The following LDLRAD3 variants were observed in gnomAD, a reference collection of about 807,000 sequenced individuals.
LDLRAD3 encodes low-density lipoprotein receptor class A domain-containing protein 3.
LDLRAD3 carries 20 observed loss-of-function variants against 29.4 expected under a neutral mutation model. The ratio of observed to expected loss-of-function variants is 0.68; its 90% CI spans 0.48 to 0.99. The LOEUF (loss-of-function observed/expected upper bound fraction) is 0.99, where lower values mean the gene tolerates loss of function less well. LDLRAD3 is among the 50% of genes least tolerant of loss of function. LDLRAD3 has a pLI of 0.00. For missense variants in LDLRAD3, 420 were observed against 454.3 expected, an observed-to-expected ratio of 0.92 and a Z score of 0.69; for synonymous variants, 157 against 192.7, an observed-to-expected ratio of 0.81 and a Z score of 1.53.
At chr11:36,145,372 G>C in intron 4 of LDLRAD3, among the ~76,000 whole-genome samples, 1 of 101,124 alleles carries the variant, frequency 9.9e-6, no homozygotes, top group African/African-American at 4.7e-5. Flanking sequence ...GCCCCGTCTG[G>C]GAGGGAGGTG....
intron 3 of LDLRAD3, 24 bp downstream of exon 3, chr11:36,081,802 T>G (rs767934846): frequency 1.2e-6 from 2 of 1,612,942 alleles, no homozygotes; most frequent in South Asian, 2.2e-5. Flanking sequence ...ACTTGAACAC[T>G]GTGATCCCTT....
At chr11:35,983,521 A>C (rs924441451) in intron 1 of LDLRAD3, among the ~76,000 whole-genome samples, 57 of 152,346 alleles carry the variant, frequency 3.7e-4, no homozygotes, top group Non-Finnish European at 5.9e-4. Context: ...TTCAGATGGC[A>C]ACACCTAGAC....
At chr11:36,216,226 C>T (rs934317237) in intron 4 of LDLRAD3, among the ~76,000 whole-genome samples, 2 of 152,186 alleles carry the variant, frequency 1.3e-5, no homozygotes, top group African/African-American at 4.8e-5. Flanking sequence ...GAGCTTCCTC[C>T]AACAGCCTGC....
At chr11:36,061,674 T>C (rs919022355) in intron 2 of LDLRAD3, among the ~76,000 whole-genome samples, 2 of 152,172 alleles carry the variant, frequency 1.3e-5, no homozygotes, top group African/African-American at 2.4e-5. Context: ...AGCAGAAAGA[T>C]AATAGGTTTA....
Position 36,160,051 on chromosome 11 carries a change from C to T in LDLRAD3, c.454+61590C>T, listed in dbSNP as rs144122165. ...ACCGTTGCAGGAAAATTTATAAATC[C>T]GTGGCCTTACTGGCTGTGAGCGAGG... On this transcript the variant is annotated intron_variant, in intron 4 of 5. Transcript: ENST00000315571. 5.9e-3 allele frequency among the ~76,000 whole-genome samples: 902 copies of T among 152,266 alleles called. 12 individuals are homozygous for T. Among genetic ancestry groups the T allele is most frequent in the African/African-American group, 0.021 (856 of 41,542 alleles).
chr11:36,178,578 A>G (rs943904914), intron 4 of LDLRAD3, among the ~76,000 whole-genome samples: 2 of 152,164 alleles, frequency 1.3e-5, no homozygotes, highest in Non-Finnish European at 2.9e-5. Flanking sequence ...TCCAGTGGAC[A>G]TATACCCCAC....
intron 3 of LDLRAD3, among the ~76,000 whole-genome samples, chr11:36,091,693 C>A (rs1853283277): frequency 6.6e-6 from 1 of 152,152 alleles, no homozygotes; most frequent in African/African-American, 2.4e-5. Context: ...ATGTTCCTCT[C>A]CCCAGTTAAC....
In LDLRAD3 at chr11:36,207,139, G is replaced by A. The variant is rs180830645; in HGVS notation, c.455-19946G>A. 1.2e-3 allele frequency among the ~76,000 whole-genome samples: 185 copies of A among 152,282 alleles called. 1 individual carries two copies. The highest frequency in any genetic ancestry group is 1.7e-3 in the Non-Finnish European group (118 of 68,024). On this transcript the variant is annotated intron_variant, in intron 4 of 5. Transcript: ENST00000315571. ...CTGAAGTTTCAACTAGGGGGTTTCC[G>A]TTCCTTGTGGGTTGCTGGAATGAGA...
chr11:36,195,131 T>A (rs1292140006), intron 4 of LDLRAD3, among the ~76,000 whole-genome samples: 2 of 152,206 alleles, frequency 1.3e-5, no homozygotes, highest in African/African-American at 4.8e-5. Context: ...CATAAAGACA[T>A]CAGCTTCTAG....
intron 1 of LDLRAD3, among the ~76,000 whole-genome samples, chr11:35,987,116 T>C (rs1054168659): frequency 2.6e-5 from 4 of 152,228 alleles, no homozygotes; most frequent in Non-Finnish European, 5.9e-5. Context: ...CTAAAGAGAA[T>C]ATTCATGCCT....
intron 4 of LDLRAD3, among the ~76,000 whole-genome samples, chr11:36,117,892 G>T (rs1033426085): frequency 2.6e-4 from 40 of 152,344 alleles, no homozygotes; most frequent in African/African-American, 7.7e-4. Context: ...TGTAATCAGG[G>T]CTCTATGGGG....
At chr11:36,219,175 A>G (rs1282076194) in intron 4 of LDLRAD3, among the ~76,000 whole-genome samples, 1 of 152,258 alleles carries the variant, frequency 6.6e-6, no homozygotes, top group South Asian at 2.1e-4. Flanking sequence ...AATATTTACT[A>G]TCTGGTCCTT....
chr11:35,978,551 T>C (rs1187839787), intron 1 of LDLRAD3, among the ~76,000 whole-genome samples: 2 of 152,202 alleles, frequency 1.3e-5, no homozygotes, highest in African/African-American at 4.8e-5. Context: ...TTTGCTTTGC[T>C]TGGGACATGT....
chr11:36,070,042 C>G (rs1852871894), intron 2 of LDLRAD3, among the ~76,000 whole-genome samples: 1 of 152,200 alleles, frequency 6.6e-6, no homozygotes, highest in East Asian at 1.9e-4. Flanking sequence ...CTATAGCTCC[C>G]CAATCAGGGC....
chr11:36,094,363 C>G (rs1590261958), intron 3 of LDLRAD3, among the ~76,000 whole-genome samples: 1 of 152,164 alleles, frequency 6.6e-6, no homozygotes, highest in Non-Finnish European at 1.5e-5. Flanking sequence ...TCTGTGGCTG[C>G]TTTGTGACAC....
chr11:36,076,567 T>C (rs914527545), intron 2 of LDLRAD3, among the ~76,000 whole-genome samples: 3 of 152,116 alleles, frequency 2.0e-5, no homozygotes, highest in Admixed American at 2.0e-4. Context: ...TTTGTATATG[T>C]AGTAGAGACG....
At chr11:35,945,491 AG>A (rs1271985005) in intron 1 of LDLRAD3, among the ~76,000 whole-genome samples, 3 of 152,156 alleles carry the variant, frequency 2.0e-5, no homozygotes, top group African/African-American at 7.2e-5. Context: ...ATTTTTAACC[AG>A]GTCTGGGTGA....
chr11:36,227,959 C>G (rs1236339750), intron 5 of LDLRAD3, among the ~76,000 whole-genome samples: 1 of 152,152 alleles, frequency 6.6e-6, no homozygotes, highest in Non-Finnish European at 1.5e-5. Context: ...CTTTGCTTGG[C>G]TTCATCTATA....
intron 1 of LDLRAD3, among the ~76,000 whole-genome samples, chr11:35,972,061 A>G (rs16928165): frequency 0.088 from 13,452 of 152,094 alleles, 1,280 homozygotes; most frequent in African/African-American, 0.24. Context: ...GAGCTCAGAC[A>G]AGAGATCTGG....
Sources: allele counts gnomAD v4.1 joint callset (sites outside exome capture counted in the v4.1 genomes callset), GRCh38; gene constraint gnomAD v4.1.1; transcripts MANE v1.5; gene names NCBI Gene and HGNC (gene_info 2026-07-23, HGNC 2026-07-21).